Variants in ZNF521 observed in about 807,000 individuals in gnomAD.
ZNF521 encodes the protein zinc finger protein 521.
Under a neutral mutation model 105.5 loss-of-function variants are expected in ZNF521, and 14 were observed. That is an observed-to-expected ratio of 0.13 (90% CI 0.09 to 0.21). The LOEUF (loss-of-function observed/expected upper bound fraction) is 0.21, where lower values mean the gene tolerates loss of function less well. Ranked by LOEUF, ZNF521 falls within the 10% of genes least tolerant of loss-of-function variation. The pLI, the probability that ZNF521 is intolerant of heterozygous loss-of-function variation, is 1.00. For synonymous variants in ZNF521, 635 were observed against 606.0 expected (o/e 1.05, Z -0.70); for missense variants, 1,233 against 1,629.7 (o/e 0.76, Z 4.19).
Position 25,224,678 on chromosome 18 carries a change from C to T in ZNF521, c.3240G>A (p.Leu1080=), listed in dbSNP as rs755399306. 2 of 1,614,070 alleles carry T rather than the reference C, an allele frequency of 1.2e-6. No homozygotes were observed. Among genetic ancestry groups the T allele is most frequent in the South Asian group, 2.2e-5 (2 of 91,082 alleles). Residue 1080 remains leucine (L), a synonymous_variant, in exon 4 of 8, where the codon CTG becomes CTA. Transcript: ENST00000361524. Reference sequence around the variant, plus strand: ...GCAGGCCATTGATATCAAGTTTCACCAGATCTTGCTTGGAACGGAATTCTT... The same window carrying T: ...GCAGGCCATTGATATCAAGTTTCACTAGATCTTGCTTGGAACGGAATTCTT... ...CLKEFRSKQD[L]VKLDINGLPY...
intron 3 of ZNF521, among the ~76,000 whole-genome samples, chr18:25,237,010 TTA>T (rs1157303188): frequency 1.3e-5 from 2 of 152,168 alleles, no homozygotes; most frequent in Non-Finnish European, 2.9e-5. Context: ...TCTTTGCCCT[TTA>T]TGTTTTATTT....
intron 3 of ZNF521, among the ~76,000 whole-genome samples, chr18:25,246,928 C>A (rs956043627): frequency 9.9e-5 from 15 of 152,144 alleles, no homozygotes; most frequent in Non-Finnish European, 1.5e-4. Context: ...CTTGACAACA[C>A]CCATTCCCAG....
intron 5 of ZNF521, among the ~76,000 whole-genome samples, chr18:25,116,912 C>A (rs1232555254): frequency 7.6e-6 from 1 of 130,952 alleles, no homozygotes. Context: ...TGTATATATA[C>A]GTATATCTAT....
chr18:25,127,544 CAAT>C (rs1475778754), intron 5 of ZNF521, among the ~76,000 whole-genome samples: 5 of 151,646 alleles, frequency 3.3e-5, no homozygotes, highest in East Asian at 1.9e-4. Context: ...ATCAAAAACA[CAAT>C]AATGTTTTAG....
intron 3 of ZNF521, among the ~76,000 whole-genome samples, chr18:25,307,268 A>G (rs1912035046): frequency 6.6e-6 from 1 of 152,188 alleles, no homozygotes; most frequent in African/African-American, 2.4e-5. Context: ...TCTAATCTGA[A>G]TATGTGTTCA....
chr18:25,258,703 T>C (rs1205815897), intron 3 of ZNF521, among the ~76,000 whole-genome samples: 1 of 152,122 alleles, frequency 6.6e-6, no homozygotes, highest in Non-Finnish European at 1.5e-5. Context: ...GCTATGGATC[T>C]TTCTGAAGAA....
At chr18:25,328,427 A>ACACACACACACACACACACACG (rs1913361382) in intron 2 of ZNF521, among the ~76,000 whole-genome samples, 1 of 151,708 alleles carries the variant, frequency 6.6e-6, no homozygotes, top group South Asian at 2.1e-4. Context: ...ACACACACAC[A>ACACACACACACACACACACACG]CACACACACA....
At chr18:25,218,993 AACTTGAAG>A (rs1803016949) in intron 4 of ZNF521, among the ~76,000 whole-genome samples, 2 of 152,110 alleles carry the variant, frequency 1.3e-5, no homozygotes, top group South Asian at 4.2e-4. Flanking sequence ...CAGCCTACGC[AACTTGAAG>A]ACAATGAAGA....
chr18:25,333,518 C>T (rs6508361), intron 2 of ZNF521, among the ~76,000 whole-genome samples: 131,393 of 151,864 alleles, frequency 0.87, 57,123 homozygotes, highest in African/African-American at 0.96. Flanking sequence ...TAGCCAACAC[C>T]ACCCAAAAAA....
At chr18:25,104,826 G>C (rs565492108) in intron 5 of ZNF521, among the ~76,000 whole-genome samples, 1 of 152,244 alleles carries the variant, frequency 6.6e-6, no homozygotes, top group East Asian at 1.9e-4. Flanking sequence ...AGCATGGTAT[G>C]AATGTGCAGA....
At chr18:25,252,135 T>C (rs1338408574) in intron 3 of ZNF521, among the ~76,000 whole-genome samples, 3 of 152,172 alleles carry the variant, frequency 2.0e-5, no homozygotes, top group Non-Finnish European at 4.4e-5. Context: ...GCACCCCTCT[T>C]ACTGCTCCCA....
In ZNF521 at chr18:25,338,259, TTGTGTGTGTG is replaced by T. The variant is rs34813730; in HGVS notation, c.40+12638_40+12647del. On this transcript the variant is annotated intron_variant, in intron 2 of 7. Coordinates refer to ENST00000361524, the MANE Select transcript of ZNF521 (RefSeq NM_015461.3). The stretch of plus-strand genomic sequence containing the variant: ...AATTCAAACAACCTCTCATAGACTT[TTGTGTGTGTG>T]TGTGTGTGTGTGTGTGTGTGTGTGT... 2.2e-3 allele frequency among the ~76,000 whole-genome samples: 294 copies of T among 136,594 alleles called. 3 individuals carry two copies. Among genetic ancestry groups the T allele is most frequent in the African/African-American group, 5.6e-3 (203 of 36,488 alleles). The allele number at this position is 136,594 out of a possible 152,430, so 89.6% of individuals were successfully genotyped here. A position where few individuals can be genotyped will look rare whatever the true frequency, so the allele number is the denominator to read the frequency against.
At chr18:25,202,415 T>TAC (rs965845397) in intron 4 of ZNF521, 22 of 152,216 alleles carry the variant, frequency 1.4e-4, no homozygotes, top group Non-Finnish European at 4.4e-5. Context: ...TGAGAGCATG[T>TAC]ACATGTTTTT....
At chr18:25,158,864 G>C (rs949252767) in intron 5 of ZNF521, among the ~76,000 whole-genome samples, 1 of 151,952 alleles carries the variant, frequency 6.6e-6, no homozygotes, top group Non-Finnish European at 1.5e-5. Context: ...GCTGAGGCAG[G>C]AGAATCACTT....
In ZNF521 at chr18:25,347,819, G is replaced by C. The variant is rs78840265; in HGVS notation, c.40+3088C>G. Among the ~76,000 whole-genome samples the C allele has an allele frequency of 2.8e-4, 42 of 152,312 alleles. No individual in the cohort carries two copies. In the East Asian group the frequency reaches 6.2e-3, roughly 22 times the overall value. On this transcript the variant is annotated intron_variant, in intron 2 of 7. Transcript: ENST00000361524. ...ATGTTTTTATCTGCCTTAGGTAAAT[G>C]ACTTTCCTGAGATACAAGTTTCAAA...
intron 3 of ZNF521, among the ~76,000 whole-genome samples, chr18:25,234,365 T>A (rs1906735124): frequency 6.6e-6 from 1 of 152,204 alleles, no homozygotes; most frequent in Non-Finnish European, 1.5e-5. Flanking sequence ...TAGAAGGCAT[T>A]TATTAGTTAC....
intron 5 of ZNF521, among the ~76,000 whole-genome samples, chr18:25,150,792 C>T (rs1356364790): frequency 6.6e-6 from 1 of 152,112 alleles, no homozygotes; most frequent in Non-Finnish European, 1.5e-5. Context: ...TTCTGATCCA[C>T]CTCTAAATCT....
At position 25,226,071 on chromosome 18, in the gene ZNF521, G is replaced by C; in HGVS notation, c.1847C>G (p.Ser616Cys). Residue 616 changes from serine (S) to cysteine (C), a missense_variant, in exon 4 of 8, where the codon TCT (serine) becomes TGT (cysteine). Ser to Cys is a moderately radical substitution (Grantham distance 112). This residue lies in a region of ZNF521 where 614 missense variants were observed against 751.5 expected (regional missense o/e 0.82). Transcript: ENST00000361524. This position sits in a 1 kb window ranked among gnomAD's most constrained non-coding sequence, Gnocchi z 4.1. ...PLSPVAIEQT[S>C]LKMMQAVGGA... is the part of the protein sequence containing the mutation. The stretch of plus-strand genomic sequence containing the variant: ...TCCTACTGCCTGCATCATCTTAAGA[G>C]ATGTCTGCTCTATGGCCACAGGAGA... The C allele has an allele frequency of 1.2e-6, 2 of 1,614,210 alleles. No homozygotes were observed. Among genetic ancestry groups the C allele is most frequent in the African/African-American group, 1.3e-5 (1 of 75,064 alleles).
At chr18:25,150,238 C>A (rs2035020900) in intron 5 of ZNF521, among the ~76,000 whole-genome samples, 1 of 152,102 alleles carries the variant, frequency 6.6e-6, no homozygotes. Context: ...TATAAGGATG[C>A]AAAGGCATAA....
Sources: allele counts gnomAD v4.1 joint callset (sites outside exome capture counted in the v4.1 genomes callset), GRCh38; gene constraint gnomAD v4.1.1; regional missense constraint gnomAD v4.1.1; non-coding constraint Gnocchi (gnomAD v3.1); transcripts MANE v1.5; gene names NCBI Gene and HGNC (gene_info 2026-07-23, HGNC 2026-07-21).